The following DSTYK variants were observed in gnomAD, a reference collection of about 807,000 sequenced individuals.
DSTYK encodes RIP-homologous kinase.
DSTYK carries 34 observed loss-of-function variants against 98.7 expected under a neutral mutation model. The ratio of observed to expected loss-of-function variants is 0.34; its 90% confidence interval spans 0.26 to 0.46. The LOEUF is 0.46. Among genes scored for constraint, DSTYK ranks in the 20% least tolerant of loss-of-function variants. DSTYK has a pLI of 1.00. For missense variants in DSTYK, 962 were observed against 1,181.7 expected, an observed-to-expected ratio of 0.81 and a Z score of 2.73; for synonymous variants, 462 against 457.3, an observed-to-expected ratio of 1.01 and a Z score of -0.13.
chr1:205,168,114 G>A (rs1490918054), intron 3 of DSTYK, among the ~76,000 whole-genome samples: 1 of 152,100 alleles, frequency 6.6e-6, no homozygotes, highest in East Asian at 1.9e-4. Flanking sequence ...TCAAAAAAAA[G>A]AAAGATTAAT....
intron 3 of DSTYK, among the ~76,000 whole-genome samples, chr1:205,168,901 G>A (rs746490631): frequency 3.2e-4 from 48 of 152,320 alleles, no homozygotes; most frequent in Non-Finnish European, 5.9e-4. Flanking sequence ...AGAAAGTGGA[G>A]ATTACAGAGC....
chr1:205,155,852 G>A (rs1359644810), intron 10 of DSTYK, among the ~76,000 whole-genome samples: 1 of 152,176 alleles, frequency 6.6e-6, no homozygotes, highest in East Asian at 1.9e-4. Flanking sequence ...GGAGGTCTAG[G>A]AGGGAAAAAT....
At chr1:205,172,935 C>T (rs1239068228) in intron 2 of DSTYK, 1 of 152,214 alleles carries the variant, frequency 6.6e-6, no homozygotes, top group Admixed American at 6.5e-5. Context: ...AACCCCCTTT[C>T]ACTACCCTGA....
chr1:205,194,766 G>GGT (rs1284346469), intron 1 of DSTYK, among the ~76,000 whole-genome samples: 1 of 151,834 alleles, frequency 6.6e-6, no homozygotes, highest in Non-Finnish European at 1.5e-5. Flanking sequence ...CATGATCTTG[G>GGT]GTCATAGCAA....
At chr1:205,188,184 T>A (rs1488738222) in intron 1 of DSTYK, among the ~76,000 whole-genome samples, 1 of 152,050 alleles carries the variant, frequency 6.6e-6, no homozygotes, top group Non-Finnish European at 1.5e-5. Flanking sequence ...AAAACTACAC[T>A]AGTTGGGATG....
Position 205,180,385 on chromosome 1 carries a change from T to C in DSTYK, c.654+7033A>G, listed in dbSNP as rs138334683. 5.2e-3 allele frequency among the ~76,000 whole-genome samples: 798 copies of C among 152,222 alleles called. 9 individuals carry two copies. The highest frequency in any genetic ancestry group is 0.018 in the African/African-American group (736 of 41,530). On this transcript the variant is annotated intron_variant, in intron 2 of 12. Coordinates refer to ENST00000367162, the MANE Select transcript of DSTYK (RefSeq NM_015375.3). ...AGTGTTTGGTTTTCTGTTCCCGTGT[T>C]AGTTTGCTAAGAATGATGGCTTCCA...
chr1:205,211,539 C>T lies in DSTYK; in HGVS notation c.-4G>A, dbSNP rs539056813. Reference sequence around the variant, plus strand: ...ATGGCACCCCGTCGCCCTCCATCGCCTCTGCCCGCTCTGTCTTTGCGGCTC... The same window carrying T: ...ATGGCACCCCGTCGCCCTCCATCGCTTCTGCCCGCTCTGTCTTTGCGGCTC... On this transcript the variant is annotated 5_prime_UTR_variant, in exon 1 of 13. Transcript: ENST00000367162. 116 of 1,509,582 alleles carry T rather than the reference C, an allele frequency of 7.7e-5. No individual in the cohort carries two copies. The South Asian group carries it at 1.4e-3, about 19-fold the overall frequency. The allele number at this position is 1,509,582 out of a possible 1,614,324, so 93.5% of individuals were successfully genotyped here.
intron 1 of DSTYK, among the ~76,000 whole-genome samples, chr1:205,188,953 G>C (rs1269927533): frequency 1.3e-5 from 2 of 152,118 alleles, no homozygotes; most frequent in East Asian, 3.9e-4. Flanking sequence ...TCTAGAAAGA[G>C]ATGTGATTTA....
chr1:205,180,747 G>A (rs1049523013), intron 2 of DSTYK, among the ~76,000 whole-genome samples: 20 of 152,204 alleles, frequency 1.3e-4, no homozygotes, highest in African/African-American at 4.8e-4. Flanking sequence ...TTACAGGCGT[G>A]AGCCACTGTG....
intron 2 of DSTYK, 37 bp downstream of exon 2, chr1:205,187,381 T>C: frequency 1.3e-6 from 2 of 1,558,200 alleles, no homozygotes; most frequent in Non-Finnish European, 1.7e-6. Flanking sequence ...AGCTGGTATA[T>C]ATGTATACAA....
chr1:205,187,308 G>A, intron 2 of DSTYK, 110 bp downstream of exon 2: 2 of 1,277,716 alleles, frequency 1.6e-6, no homozygotes. Flanking sequence ...ACTAGCCACT[G>A]CTGCTCAGAG....
intron 1 of DSTYK, among the ~76,000 whole-genome samples, chr1:205,207,866 T>C (rs1574807840): frequency 6.6e-6 from 1 of 151,572 alleles, no homozygotes; most frequent in Non-Finnish European, 1.5e-5. Context: ...TCAAAGCCTT[T>C]ATTTATGTAT....
chr1:205,150,790 T>C lies in DSTYK; in HGVS notation c.2357A>G (p.Asp786Gly). 3.1e-6 allele frequency: 5 copies of C among 1,613,922 alleles called. No homozygotes were observed. Among genetic ancestry groups the C allele is most frequent in the Non-Finnish European group, 3.4e-6 (4 of 1,179,848 alleles). Reference protein sequence around the residue: ...RDIKLKNVLLDKQNRAKITDL... With the variant: ...RDIKLKNVLLGKQNRAKITDL... ...AGTGATCTTGGCACGGTTCTGCTTA[T>C]CCAGCTGCCAACAAAGCAGGGCAAG... The change falls in exon 11 of 13, where the codon GAT (aspartate) becomes GGT (glycine). Residue 786 changes from aspartate to glycine, a missense_variant. Physicochemically the swap from Asp to Gly is moderately conservative, Grantham distance 94. Coordinates refer to ENST00000367162, the MANE Select transcript of DSTYK (RefSeq NM_015375.3). The surrounding 1 kb of genome is among the most constrained non-coding windows in gnomAD (Gnocchi z 4.1).
chr1:205,160,771 G>T (rs1657694549), intron 7 of DSTYK, among the ~76,000 whole-genome samples: 1 of 147,444 alleles, frequency 6.8e-6, no homozygotes, highest in Non-Finnish European at 1.5e-5. Flanking sequence ...TGGTTATGTG[G>T]TTTTTTGTTT....
chr1:205,208,737 C>T (rs896595141), intron 1 of DSTYK, among the ~76,000 whole-genome samples: 4 of 152,146 alleles, frequency 2.6e-5, no homozygotes, highest in Non-Finnish European at 2.9e-5. Context: ...AAAGTTGAGA[C>T]AGTCTCTGAA....
chr1:205,190,976 G>A (rs891133168), intron 1 of DSTYK, among the ~76,000 whole-genome samples: 3 of 152,170 alleles, frequency 2.0e-5, no homozygotes, highest in Admixed American at 2.0e-4. Context: ...CTGAAACAAA[G>A]TGTCAACTAC....
At chr1:205,189,816 A>T (rs529042378) in intron 1 of DSTYK, among the ~76,000 whole-genome samples, 1 of 152,348 alleles carries the variant, frequency 6.6e-6, no homozygotes, top group South Asian at 2.1e-4. Flanking sequence ...CACTGAAACA[A>T]GCAAATCTAC....
At chr1:205,183,079 AGC>A (rs1491528911) in intron 2 of DSTYK, among the ~76,000 whole-genome samples, 342 of 122,210 alleles carry the variant, frequency 2.8e-3, no homozygotes, top group Non-Finnish European at 4.7e-3. Context: ...AAAAAAAAAA[AGC>A]ACACACACAC....
chr1:205,155,703 T>C (rs887803314), intron 10 of DSTYK, among the ~76,000 whole-genome samples: 1 of 151,982 alleles, frequency 6.6e-6, no homozygotes, highest in Non-Finnish European at 1.5e-5. Flanking sequence ...AGAAAACCTA[T>C]TTTCTGGGGG....
Sources: allele counts gnomAD v4.1 joint callset (sites outside exome capture counted in the v4.1 genomes callset), GRCh38; gene constraint gnomAD v4.1.1; non-coding constraint Gnocchi (gnomAD v3.1); transcripts MANE v1.5; gene names NCBI Gene and HGNC (gene_info 2026-07-23, HGNC 2026-07-21).